The following MAP3K5 variants were observed in gnomAD, a reference collection of about 807,000 sequenced individuals.
MAP3K5 encodes the protein ASK-1.
Under a neutral mutation model 158.7 loss-of-function variants are expected in MAP3K5, and 56 were observed. The ratio of observed to expected loss-of-function variants is 0.35; its 90% CI spans 0.28 to 0.44. The LOEUF (loss-of-function observed/expected upper bound fraction) is 0.44, where lower values mean the gene tolerates loss of function less well. MAP3K5 is among the 20% of genes least tolerant of loss of function. The pLI is 1.00. For synonymous variants in MAP3K5, 579 were observed against 601.7 expected (o/e 0.96, Z 0.55); for missense variants, 1,294 against 1,674.8 (o/e 0.77, Z 3.97).
At chr6:136,724,289 C>A (rs1428477016) in intron 1 of MAP3K5, among the ~76,000 whole-genome samples, 3 of 148,074 alleles carry the variant, frequency 2.0e-5, no homozygotes, top group African/African-American at 7.5e-5. Context: ...TACTCTGTCT[C>A]CCAGGCTGGA....
In MAP3K5 at chr6:136,613,603, G is replaced by C. The variant is rs1388814349; in HGVS notation, c.2279-347C>G. Among the ~76,000 whole-genome samples the C allele has an allele frequency of 6.6e-6, 1 of 151,936 alleles. No individual in the cohort carries two copies. Among genetic ancestry groups the C allele is most frequent in the Non-Finnish European group, 1.5e-5 (1 of 67,998 alleles). ...AATTATTTGAGCCTTATTATTTAAGGAATGTGACTTTGTGGCCTGAGTCAT... is the reference window on the plus strand; with the variant it reads ...AATTATTTGAGCCTTATTATTTAAGCAATGTGACTTTGTGGCCTGAGTCAT... On this transcript the variant is annotated intron_variant, in intron 16 of 29. Coordinates refer to ENST00000359015, the MANE Select transcript of MAP3K5 (RefSeq NM_005923.4). The surrounding 1 kb of genome is among the most constrained non-coding windows in gnomAD (Gnocchi z 4.0).
At chr6:136,776,566 T>C (rs1310342363) in intron 1 of MAP3K5, among the ~76,000 whole-genome samples, 3 of 152,190 alleles carry the variant, frequency 2.0e-5, no homozygotes, top group African/African-American at 7.2e-5. Context: ...TTAATCTTCT[T>C]AAAGATTTCA....
rs186596523 is a variant in MAP3K5 at position 136,676,915 on chromosome 6, C to T, written c.1254-7520G>A. ...CAAGTGATTCTCCTGCCTCAGCCTC[C>T]CGAGTAGCTGGGATTACAGGTGCAC... On this transcript the variant is annotated intron_variant, in intron 7 of 29. Coordinates refer to ENST00000359015, the MANE Select transcript of MAP3K5 (RefSeq NM_005923.4). Among the ~76,000 whole-genome samples, 1,176 of 151,272 alleles carry T rather than the reference C, an allele frequency of 7.8e-3. 15 individuals are homozygous for T. The highest frequency in any genetic ancestry group is 0.027 in the African/African-American group (1,104 of 41,194).
Position 136,567,635 on chromosome 6 carries a change from T to C in MAP3K5, c.3757A>G (p.Asn1253Asp). Residue 1253 changes from asparagine to aspartate, a missense_variant, in exon 26 of 30, where the codon AAT becomes GAT. Around this residue, in one of 5 missense-constraint regions of MAP3K5, gnomAD observed 199 missense variants for 220.3 expected, o/e 0.90. Coordinates refer to ENST00000359015, the MANE Select transcript of MAP3K5 (RefSeq NM_005923.4). ...VQLGRMKIET[N>D]RLLEELVRKE... Reference sequence around the variant, plus strand: ...CCACGTCAGTGTAGGACTTACCTATTGGTTTCTATTTTCATCCTTCCAAGC... The same window carrying C: ...CCACGTCAGTGTAGGACTTACCTATCGGTTTCTATTTTCATCCTTCCAAGC... The C allele has an allele frequency of 6.2e-7, 1 of 1,613,428 alleles. No homozygotes were observed. The highest frequency in any genetic ancestry group is 8.5e-7 in the Non-Finnish European group (1 of 1,179,574).
At chr6:136,749,431 T>A (rs1783099301) in intron 1 of MAP3K5, among the ~76,000 whole-genome samples, 2 of 150,930 alleles carry the variant, frequency 1.3e-5, no homozygotes. Flanking sequence ...AGGTCGCCAG[T>A]GAAAATACAA....
In MAP3K5 at chr6:136,557,798, A is replaced by T; in HGVS notation, c.4085T>A (p.Leu1362Gln). ...LRLRGGMLCT[L>Q]WKAIIDFRNK... Reference sequence around the variant, plus strand: ...TCGAAAGTCAATGATAGCCTTCCACAGTGTGCACAGCATCCCTCCCCTGTT... The same window carrying T: ...TCGAAAGTCAATGATAGCCTTCCACTGTGTGCACAGCATCCCTCCCCTGTT... Residue 1362 changes from leucine (L) to glutamine (Q), a missense_variant, in exon 30 of 30, where the codon CTG (leucine) becomes CAG (glutamine). Coordinates refer to ENST00000359015, the MANE Select transcript of MAP3K5 (RefSeq NM_005923.4). 2 of 1,611,800 alleles carry T rather than the reference A, an allele frequency of 1.2e-6. No homozygotes were observed. Among genetic ancestry groups the T allele is most frequent in the Non-Finnish European group, 1.7e-6 (2 of 1,177,928 alleles).
intron 1 of MAP3K5, among the ~76,000 whole-genome samples, chr6:136,788,654 C>G (rs1357691594): frequency 6.6e-6 from 1 of 152,164 alleles, no homozygotes; most frequent in Non-Finnish European, 1.5e-5. Flanking sequence ...AAAAAATGTT[C>G]ATCATCACTA....
chr6:136,701,436 G>C (rs1041958703), intron 3 of MAP3K5, among the ~76,000 whole-genome samples: 2 of 152,172 alleles, frequency 1.3e-5, no homozygotes, highest in African/African-American at 4.8e-5. Flanking sequence ...CAGAGAGTGA[G>C]ATTTGATTTG....
intron 14 of MAP3K5, among the ~76,000 whole-genome samples, chr6:136,625,697 T>C (rs928894329): frequency 3.3e-5 from 5 of 152,214 alleles, no homozygotes; most frequent in Non-Finnish European, 7.3e-5. Context: ...GGCAGACCCC[T>C]TGAAGTTTGC....
chr6:136,734,421 GAAAAA>G (rs1016817563), intron 1 of MAP3K5, among the ~76,000 whole-genome samples: 9 of 56,736 alleles, frequency 1.6e-4, no homozygotes, highest in Non-Finnish European at 2.6e-4. Context: ...CTCTGTCTCG[GAAAAA>G]AAAAAAAAAA....
chr6:136,605,542 A>C (rs1776065174), intron 18 of MAP3K5, among the ~76,000 whole-genome samples, 176 bp from the exon 19 acceptor site: 1 of 152,238 alleles, frequency 6.6e-6, no homozygotes, highest in African/African-American at 2.4e-5. Context: ...TGGAAATAGC[A>C]GTTTTTATAA....
chr6:136,580,444 A>T lies in MAP3K5; in HGVS notation c.3412-38T>A, dbSNP rs750222099. On this transcript the variant is annotated intron_variant, in intron 24 of 29. Transcript: ENST00000359015. The stretch of plus-strand genomic sequence containing the variant: ...TGACATTTAGCCTACTTTAATTTTT[A>T]ATTGCAAATAGCCTAGATGATCGAA... 3.8e-5 allele frequency: 49 copies of T among 1,284,676 alleles called. No individual in the cohort carries two copies. In the African/African-American group the frequency reaches 6.3e-4, roughly 16 times the overall value. 79.6% of individuals were successfully genotyped at this position (1,284,676 alleles called of 1,614,324 possible). A position where few individuals can be genotyped will look rare whatever the true frequency, so the allele number is the denominator to read the frequency against.
intron 6 of MAP3K5, among the ~76,000 whole-genome samples, chr6:136,694,848 T>C (rs991129933): frequency 1.3e-5 from 2 of 152,226 alleles, no homozygotes; most frequent in East Asian, 1.9e-4. Flanking sequence ...TAAAATAGTA[T>C]GTGTAGACAG....
intron 1 of MAP3K5, among the ~76,000 whole-genome samples, chr6:136,738,081 G>C (rs563652764): frequency 6.6e-6 from 1 of 152,138 alleles, no homozygotes; most frequent in Non-Finnish European, 1.5e-5. Flanking sequence ...ATGGCTTATC[G>C]CTCTGCCCAG....
chr6:136,763,096 C>T (rs1442640100), intron 1 of MAP3K5, among the ~76,000 whole-genome samples: 2 of 152,144 alleles, frequency 1.3e-5, no homozygotes, highest in East Asian at 1.9e-4. Flanking sequence ...AGGCTCAAGC[C>T]GTCCTCCCAC....
chr6:136,601,094 T>C (rs1258245532), intron 20 of MAP3K5, 52 bp from the exon 21 acceptor site: 2 of 1,594,886 alleles, frequency 1.3e-6, no homozygotes, highest in East Asian at 2.2e-5. Flanking sequence ...GGGTTTGTTG[T>C]TAAACTGAGA....
chr6:136,627,258 C>T (rs1476891370), intron 14 of MAP3K5, among the ~76,000 whole-genome samples: 1 of 151,730 alleles, frequency 6.6e-6, no homozygotes, highest in Non-Finnish European at 1.5e-5. Flanking sequence ...GTAGAAGTAG[C>T]ACAGAAGAAA....
At chr6:136,695,669 A>C (rs1583432509) in intron 6 of MAP3K5, among the ~76,000 whole-genome samples, 2 of 152,250 alleles carry the variant, frequency 1.3e-5, no homozygotes, top group Non-Finnish European at 2.9e-5. Flanking sequence ...TAACTTTTAC[A>C]ATTCTAAAAA....
At chr6:136,578,826 T>C (rs1229484969) in intron 25 of MAP3K5, among the ~76,000 whole-genome samples, 4 of 152,106 alleles carry the variant, frequency 2.6e-5, no homozygotes, top group African/African-American at 9.7e-5. Context: ...CTCAGAAGGG[T>C]TGGCCTGAAC....
Sources: allele counts gnomAD v4.1 joint callset (sites outside exome capture counted in the v4.1 genomes callset), GRCh38; gene constraint gnomAD v4.1.1; regional missense constraint gnomAD v4.1.1; non-coding constraint Gnocchi (gnomAD v3.1); transcripts MANE v1.5; gene names NCBI Gene and HGNC (gene_info 2026-07-23, HGNC 2026-07-21).